DNAJC5B: variants seen among roughly 807,000 people sequenced by gnomAD.
DNAJC5B encodes the protein DnaJ heat shock protein family (Hsp40) member C5 beta.
Under a neutral mutation model 24.7 loss-of-function variants are expected in DNAJC5B, and 23 were observed. The ratio of observed to expected loss-of-function variants is 0.93; its 90% CI spans 0.67 to 1.32. The LOEUF is 1.32. Among genes scored for constraint, DNAJC5B ranks in the 40% most tolerant of loss-of-function variants. The probability of loss-of-function intolerance (pLI) is 0.00; values close to 1 mark genes in which losing one functional copy is unlikely to be tolerated. For missense variants in DNAJC5B, 238 were observed against 240.8 expected (o/e 0.99, Z 0.08); for synonymous variants, 101 against 90.1 (o/e 1.12, Z -0.68).
chr8:66,018,039 C>G (rs1262983311), upstream of DNAJC5B, among the ~76,000 whole-genome samples: 3 of 152,186 alleles, frequency 2.0e-5, no homozygotes, highest in Non-Finnish European at 4.4e-5. Context: ...CAATACTGTA[C>G]ATTCTGTACT....
chr8:66,041,172 T>C (rs1194937381), intron 1 of DNAJC5B, among the ~76,000 whole-genome samples: 1 of 152,230 alleles, frequency 6.6e-6, no homozygotes, highest in Non-Finnish European at 1.5e-5. Flanking sequence ...GTTTCATATA[T>C]TGCATACTAA....
intron 1 of DNAJC5B, among the ~76,000 whole-genome samples, chr8:66,022,426 T>G (rs1378967107): frequency 6.6e-6 from 1 of 151,982 alleles, no homozygotes; most frequent in Non-Finnish European, 1.5e-5. Flanking sequence ...CTCCCTTGGG[T>G]CTTAGCACAC....
chr8:66,017,752 C>A (rs971487747), upstream of DNAJC5B, among the ~76,000 whole-genome samples: 1 of 152,182 alleles, frequency 6.6e-6, no homozygotes, highest in African/African-American at 2.4e-5. Context: ...AGTCAGACAT[C>A]AATTGTGTTC....
chr8:66,051,679 A>G lies in DNAJC5B; in HGVS notation c.119+13A>G, dbSNP rs1164714934. Reference sequence around the variant, plus strand: ...AGAAAACCTACAGGTACGGATTTCAATGGTGACATTTCTTCTGCTACTAGT... The same window carrying G: ...AGAAAACCTACAGGTACGGATTTCAGTGGTGACATTTCTTCTGCTACTAGT... On this transcript the variant is annotated intron_variant, in intron 3 of 5. Coordinates refer to ENST00000276570, the MANE Select transcript of DNAJC5B (RefSeq NM_033105.6). The G allele has an allele frequency of 7.0e-6, 11 of 1,579,108 alleles. No individual in the cohort carries two copies. The highest frequency in any genetic ancestry group is 1.4e-5 in the African/African-American group (1 of 73,696).
chr8:66,099,545 A>C (rs1311717522), intron 5 of DNAJC5B, among the ~76,000 whole-genome samples: 1 of 152,178 alleles, frequency 6.6e-6, no homozygotes, highest in Non-Finnish European at 1.5e-5. Context: ...TATAAACTAT[A>C]CCTTTCCTGT....
intron 1 of DNAJC5B, among the ~76,000 whole-genome samples, chr8:66,028,935 C>A (rs1351656036): frequency 6.6e-6 from 1 of 152,204 alleles, no homozygotes; most frequent in Non-Finnish European, 1.5e-5. Context: ...CTTCACTGGA[C>A]CAAGCCTCTC....
chr8:66,045,441 T>C (rs1806702626), intron 2 of DNAJC5B, among the ~76,000 whole-genome samples: 2 of 152,354 alleles, frequency 1.3e-5, no homozygotes, highest in African/African-American at 2.4e-5. Context: ...GAATAGATTA[T>C]AATGTGATTC....
intron 5 of DNAJC5B, among the ~76,000 whole-genome samples, chr8:66,086,618 T>C (rs551510926): frequency 2.2e-4 from 34 of 152,274 alleles, no homozygotes; most frequent in African/African-American, 8.2e-4. Context: ...CTCCAGAGCA[T>C]AATACTCTGG....
At chr8:66,057,744 CA>C (rs1806997093) in intron 3 of DNAJC5B, 1 of 152,192 alleles carries the variant, frequency 6.6e-6, no homozygotes, top group African/African-American at 2.4e-5. Flanking sequence ...TCTAAAGCAA[CA>C]GCAGCCTGAA....
chr8:66,058,379 C>T (rs1296800400), intron 3 of DNAJC5B, among the ~76,000 whole-genome samples: 2 of 152,134 alleles, frequency 1.3e-5, no homozygotes. Context: ...AATCTTGGTT[C>T]CTGATCCCTT....
intron 3 of DNAJC5B, among the ~76,000 whole-genome samples, chr8:66,062,779 A>C (rs775082101): frequency 6.6e-6 from 1 of 152,174 alleles, no homozygotes; most frequent in Non-Finnish European, 1.5e-5. Context: ...GTGAGCTATA[A>C]TCATGCCACT....
chr8:66,080,385 T>G lies in DNAJC5B; in HGVS notation c.342T>G (p.Phe114Leu), dbSNP rs184897451. Residue 114 changes from phenylalanine (F) to leucine (L), a missense_variant, in exon 5 of 6, where the codon TTT becomes TTG. Coordinates refer to ENST00000276570, the MANE Select transcript of DNAJC5B (RefSeq NM_033105.6). The part of the protein sequence containing the change: ...MLSSWWAKAL[F>L]VIVGLLTGCY... Reference sequence around the variant, plus strand: ...TACCTCTGTTTCCCTAGGCCCTGTTTGTCATCGTTGGCCTCTTGACGGGCT... The same window carrying G: ...TACCTCTGTTTCCCTAGGCCCTGTTGGTCATCGTTGGCCTCTTGACGGGCT... 2 of 1,612,506 alleles carry G rather than the reference T, an allele frequency of 1.2e-6. No homozygotes were observed. Among genetic ancestry groups the G allele is most frequent in the African/African-American group, 1.3e-5 (1 of 75,046 alleles).
upstream of DNAJC5B, among the ~76,000 whole-genome samples, chr8:66,016,994 T>A (rs1805970978): frequency 6.6e-6 from 1 of 152,196 alleles, no homozygotes; most frequent in Non-Finnish European, 1.5e-5. Context: ...AATATAATTT[T>A]TTTTTTTTTT....
intron 4 of DNAJC5B, among the ~76,000 whole-genome samples, chr8:66,078,349 A>AG (rs1174083248): frequency 1.3e-5 from 2 of 152,182 alleles, no homozygotes; most frequent in African/African-American, 2.4e-5. Context: ...ATGGCCCTGC[A>AG]CGTAGCAATC....
intron 5 of DNAJC5B, among the ~76,000 whole-genome samples, chr8:66,093,713 G>T (rs1379191172): frequency 6.6e-6 from 1 of 152,086 alleles, no homozygotes; most frequent in East Asian, 1.9e-4. Context: ...ATGAATCAAA[G>T]TTCTTGATTT....
At chr8:66,031,557 C>T (rs1443551839) in intron 1 of DNAJC5B, among the ~76,000 whole-genome samples, 1 of 152,058 alleles carries the variant, frequency 6.6e-6, no homozygotes, top group Non-Finnish European at 1.5e-5. Flanking sequence ...TGTATATACA[C>T]ATATATAAAA....
intron 2 of DNAJC5B, among the ~76,000 whole-genome samples, chr8:66,045,795 T>C (rs1329376108): frequency 6.6e-6 from 1 of 152,172 alleles, no homozygotes; most frequent in Non-Finnish European, 1.5e-5. Flanking sequence ...CCAGGGCTGC[T>C]TTCCTCACAC....
At chr8:66,046,959 C>T (rs532445558) in intron 2 of DNAJC5B, among the ~76,000 whole-genome samples, 1 of 152,342 alleles carries the variant, frequency 6.6e-6, no homozygotes, top group South Asian at 2.1e-4. Context: ...GTCAACATGA[C>T]CCATTCATGC....
At chr8:66,035,977 C>T (rs1340703621) in intron 1 of DNAJC5B, among the ~76,000 whole-genome samples, 1 of 152,202 alleles carries the variant, frequency 6.6e-6, no homozygotes, top group Non-Finnish European at 1.5e-5. Context: ...TTCATGCTTT[C>T]CCTTCTAAAT....
Sources: gnomAD v4.1 joint callset for allele counts (sites outside exome capture counted in the v4.1 genomes callset) on GRCh38, gnomAD v4.1.1 for gene constraint, MANE v1.5 for transcripts, NCBI Gene and HGNC (gene_info 2026-07-23, HGNC 2026-07-21) for gene names.